Variants in NPAS3 observed in about 807,000 individuals in gnomAD.
NPAS3 encodes neuronal PAS domain protein 3, also known as neuronal PAS domain-containing protein 3.
In NPAS3, 14 loss-of-function variants were observed where a neutral mutation model predicts 73.1. The observed-to-expected ratio is 0.19, with a 90% confidence interval of 0.13 to 0.30. NPAS3 has a LOEUF of 0.30. NPAS3 is among the 10% of genes least tolerant of loss of function. NPAS3 has a pLI of 1.00. For synonymous variants in NPAS3, 620 were observed against 541.5 expected, an observed-to-expected ratio of 1.14 and a Z score of -2.01; for missense variants, 1,096 against 1,250.0, an observed-to-expected ratio of 0.88 and a Z score of 1.86.
At chr14:33,574,680 T>G (rs911339388) in intron 5 of NPAS3, among the ~76,000 whole-genome samples, 5 of 152,164 alleles carry the variant, frequency 3.3e-5, no homozygotes, top group South Asian at 2.1e-4. Flanking sequence ...GTGGAGAAGC[T>G]GGGGTGTATA....
chr14:33,606,229 C>A (rs1214380322), intron 5 of NPAS3, among the ~76,000 whole-genome samples: 1 of 129,882 alleles, frequency 7.7e-6, no homozygotes, highest in Non-Finnish European at 1.6e-5. Context: ...CCCCCTCCCC[C>A]CACCCCACAA....
At chr14:33,542,857 T>C (rs1458415323) in intron 4 of NPAS3, among the ~76,000 whole-genome samples, 1 of 152,162 alleles carries the variant, frequency 6.6e-6, no homozygotes, top group Non-Finnish European at 1.5e-5. Flanking sequence ...TGACCACTGC[T>C]TGCCAAGCAT....
chr14:33,798,404 C>CT (rs1441825709), intron 11 of NPAS3, among the ~76,000 whole-genome samples: 7 of 152,294 alleles, frequency 4.6e-5, no homozygotes, highest in Admixed American at 3.3e-4. Flanking sequence ...TCCTACACCT[C>CT]TTTTAACCCT....
chr14:33,543,989 A>ATATC (rs1566988573), intron 4 of NPAS3, among the ~76,000 whole-genome samples: 28 of 37,306 alleles, frequency 7.5e-4, no homozygotes, highest in South Asian at 1.3e-3. Context: ...ATATATATAT[A>ATATC]TATATATATA....
intron 9 of NPAS3, among the ~76,000 whole-genome samples, chr14:33,790,389 G>GT (rs1256506092): frequency 6.6e-6 from 1 of 152,168 alleles, no homozygotes; most frequent in Non-Finnish European, 1.5e-5. Context: ...TTTTTTCTGT[G>GT]TTTTTCAAGT....
At chr14:33,632,270 C>T (rs188527763) in intron 5 of NPAS3, among the ~76,000 whole-genome samples, 11 of 152,128 alleles carry the variant, frequency 7.2e-5, no homozygotes, top group Middle Eastern at 3.4e-3. Flanking sequence ...TCTCGAAGCT[C>T]GGTATTCATA....
intron 2 of NPAS3, among the ~76,000 whole-genome samples, chr14:33,208,932 C>T (rs2046930032): frequency 6.6e-6 from 1 of 152,106 alleles, no homozygotes; most frequent in Admixed American, 6.6e-5. Flanking sequence ...TATATAAGGG[C>T]AAAATGTGCA....
chr14:33,175,913 A>AAAC (rs1404254085), intron 2 of NPAS3, among the ~76,000 whole-genome samples: 1 of 152,180 alleles, frequency 6.6e-6, no homozygotes, highest in Admixed American at 6.5e-5. Flanking sequence ...TCTGGTTTTA[A>AAAC]AACAACAACA....
intron 6 of NPAS3, among the ~76,000 whole-genome samples, chr14:33,697,833 G>T (rs889284584): frequency 6.6e-6 from 1 of 152,196 alleles, no homozygotes; most frequent in Non-Finnish European, 1.5e-5. Flanking sequence ...ATGTGCTAAA[G>T]AATTGTGTAG....
intron 2 of NPAS3, among the ~76,000 whole-genome samples, chr14:33,122,890 T>C (rs2043282666): frequency 2.0e-5 from 3 of 152,224 alleles, no homozygotes; most frequent in Admixed American, 6.6e-5. Flanking sequence ...CAGATTTTTA[T>C]TGTGGACGTT....
intron 3 of NPAS3, among the ~76,000 whole-genome samples, chr14:33,285,341 T>C (rs1451566262): frequency 6.6e-6 from 1 of 152,154 alleles, no homozygotes; most frequent in Non-Finnish European, 1.5e-5. Context: ...CATCATTAGG[T>C]TAAGAACTAA....
At chr14:33,293,584 G>A (rs532032202) in intron 3 of NPAS3, among the ~76,000 whole-genome samples, 2 of 152,166 alleles carry the variant, frequency 1.3e-5, no homozygotes, top group African/African-American at 2.4e-5. Context: ...CAATAATATG[G>A]TGGAAAGCCT....
At chr14:33,276,509 T>G (rs181135133) in intron 3 of NPAS3, among the ~76,000 whole-genome samples, 1 of 152,112 alleles carries the variant, frequency 6.6e-6, no homozygotes, top group African/African-American at 2.4e-5. Context: ...GTAATTTTTT[T>G]AAAAAACTCA....
At position 33,591,101 on chromosome 14, in the gene NPAS3, A is replaced by T. The variant is rs7156802; in HGVS notation, c.558+30891A>T. 6.2e-3 allele frequency among the ~76,000 whole-genome samples: 943 copies of T among 152,236 alleles called. 10 individuals carry two copies. Among genetic ancestry groups the T allele is most frequent in the African/African-American group, 0.022 (905 of 41,520 alleles). On this transcript the variant is annotated intron_variant, in intron 5 of 11. Transcript: ENST00000356141. ...AACATGATGACTTCATTTTCTCTAC[A>T]ACTGTTTCTTAAGTGCAGCCACAGC...
intron 3 of NPAS3, among the ~76,000 whole-genome samples, chr14:33,328,453 T>A (rs1404413952): frequency 4.6e-4 from 6 of 12,984 alleles, no homozygotes; most frequent in African/African-American, 2.7e-3. Flanking sequence ...TTTCTTTTTT[T>A]TTTTTTTTTT....
intron 8 of NPAS3, 149 bp from the exon 9 acceptor site, chr14:33,778,317 T>A (rs1182038897): frequency 3.8e-6 from 2 of 527,116 alleles, no homozygotes; most frequent in Non-Finnish European, 6.7e-6. Context: ...AGAAATAATC[T>A]TATGTATAAA....
intron 4 of NPAS3, among the ~76,000 whole-genome samples, chr14:33,412,026 T>C (rs1204576706): frequency 1.3e-5 from 2 of 152,210 alleles, no homozygotes; most frequent in African/African-American, 2.4e-5. Context: ...CCTAACACTT[T>C]GACTATGTGT....
At chr14:33,555,236 C>T (rs1566998887) in intron 4 of NPAS3, among the ~76,000 whole-genome samples, 1 of 152,162 alleles carries the variant, frequency 6.6e-6, no homozygotes, top group Non-Finnish European at 1.5e-5. Flanking sequence ...TTGCGTTTCC[C>T]ATCTGCTTTG....
At chr14:33,721,172 A>T (rs1002044541) in intron 6 of NPAS3, among the ~76,000 whole-genome samples, 1 of 152,196 alleles carries the variant, frequency 6.6e-6, no homozygotes, top group Non-Finnish European at 1.5e-5. Context: ...TGGTGGAAAG[A>T]TAATTTCTTT....
Sources: gnomAD v4.1 joint callset for allele counts (sites outside exome capture counted in the v4.1 genomes callset) on GRCh38, gnomAD v4.1.1 for gene constraint, MANE v1.5 for transcripts, NCBI Gene and HGNC (gene_info 2026-07-23, HGNC 2026-07-21) for gene names.